JARID2: variants seen among roughly 807,000 people sequenced by gnomAD.
The protein encoded by JARID2 is protein Jumonji.
JARID2 carries 21 observed loss-of-function variants against 125.6 expected under a neutral mutation model. That is an observed-to-expected ratio of 0.17 (90% CI 0.12 to 0.24). The LOEUF is 0.24. Ranked by LOEUF, JARID2 falls within the 10% of genes least tolerant of loss-of-function variation. JARID2 has a pLI of 1.00. For synonymous variants in JARID2, 736 were observed against 661.6 expected, an observed-to-expected ratio of 1.11 and a Z score of -1.73; for missense variants, 1,303 against 1,639.6, an observed-to-expected ratio of 0.79 and a Z score of 3.55.
intron 3 of JARID2, among the ~76,000 whole-genome samples, chr6:15,416,948 T>G (rs901132564): frequency 6.6e-6 from 1 of 152,118 alleles, no homozygotes; most frequent in African/African-American, 2.4e-5. Context: ...TGTGGACTTG[T>G]GGTCAGAAAC....
chr6:15,275,966 T>G (rs948529462), intron 1 of JARID2, among the ~76,000 whole-genome samples: 4 of 152,172 alleles, frequency 2.6e-5, no homozygotes, highest in Non-Finnish European at 4.4e-5. Flanking sequence ...GTGTGGCTGT[T>G]GTCCAGTGCT....
chr6:15,380,239 T>TG (rs1764528384), intron 2 of JARID2, among the ~76,000 whole-genome samples: 1 of 152,106 alleles, frequency 6.6e-6, no homozygotes, highest in African/African-American at 2.4e-5. Context: ...TTCACCATGT[T>TG]GGCCAGGCTG....
chr6:15,418,999 A>C (rs1037665996), intron 3 of JARID2, among the ~76,000 whole-genome samples: 1 of 152,226 alleles, frequency 6.6e-6, no homozygotes, highest in East Asian at 1.9e-4. Context: ...GATAGCATGC[A>C]TGAATTGGGA....
chr6:15,507,539 G>A, intron 11 of JARID2, 123 bp downstream of exon 11: 1 of 712,064 alleles, frequency 1.4e-6, no homozygotes, highest in Non-Finnish European at 2.4e-6. Flanking sequence ...CAGGCTTACA[G>A]GACATACAGT....
chr6:15,343,631 G>A (rs967447335), intron 1 of JARID2, among the ~76,000 whole-genome samples: 12 of 152,324 alleles, frequency 7.9e-5, no homozygotes, highest in African/African-American at 2.6e-4. Flanking sequence ...AGGGCAGCCG[G>A]TATCCTGTCA....
chr6:15,453,642 G>A (rs1361808518), intron 4 of JARID2, among the ~76,000 whole-genome samples: 8 of 152,152 alleles, frequency 5.3e-5, no homozygotes, highest in Non-Finnish European at 1.0e-4. Flanking sequence ...AATTGTATGC[G>A]TATGGGCTTC....
chr6:15,477,824 TC>T (rs1769421208), intron 5 of JARID2, among the ~76,000 whole-genome samples: 1 of 152,218 alleles, frequency 6.6e-6, no homozygotes, highest in South Asian at 2.1e-4. Context: ...ATTGAAAAGA[TC>T]TGGTGCCTGG....
chr6:15,514,126 G>GC (rs1771430595), intron 16 of JARID2, among the ~76,000 whole-genome samples: 1 of 151,988 alleles, frequency 6.6e-6, no homozygotes. Flanking sequence ...CCCTGTTCCA[G>GC]CCCAGAGGTG....
intron 3 of JARID2, among the ~76,000 whole-genome samples, chr6:15,428,009 G>A (rs772488723): frequency 2.0e-5 from 3 of 151,764 alleles, no homozygotes; most frequent in Admixed American, 6.6e-5. Flanking sequence ...TACTACTGTC[G>A]CCGTATACTT....
intron 5 of JARID2, among the ~76,000 whole-genome samples, chr6:15,471,634 C>T (rs1769082054): frequency 6.6e-6 from 1 of 152,128 alleles, no homozygotes. Flanking sequence ...CTTTGTTTTC[C>T]AGAGTGTTTG....
At chr6:15,429,188 T>C (rs1455250174) in intron 3 of JARID2, among the ~76,000 whole-genome samples, 2 of 152,088 alleles carry the variant, frequency 1.3e-5, no homozygotes, top group African/African-American at 4.8e-5. Context: ...GGAATAACAA[T>C]TTGCATGTTT....
rs986846273 is a variant in JARID2, at chr6:15,365,474, A to G, written c.46-8643A>G. On this transcript the variant is annotated intron_variant, in intron 1 of 17. Coordinates refer to ENST00000341776, the MANE Select transcript of JARID2 (RefSeq NM_004973.4). ...GCCTTGACGACGGCGGATGTCTGAC[A>G]TGCTCAGACGCAAAAGAGCTGACTT... is the stretch of plus-strand genomic sequence containing the variant. Among the ~76,000 whole-genome samples the G allele has an allele frequency of 3.9e-5, 6 of 152,204 alleles. No individual in the cohort carries two copies. In the South Asian group the frequency reaches 1.2e-3, roughly 31 times the overall value.
At chr6:15,253,067 A>ATT (rs1197926158) in intron 1 of JARID2, among the ~76,000 whole-genome samples, 1 of 142,358 alleles carries the variant, frequency 7.0e-6, no homozygotes, top group Non-Finnish European at 1.5e-5. Context: ...TTTAATAAGG[A>ATT]TTTTTTTTTT....
intron 2 of JARID2, among the ~76,000 whole-genome samples, chr6:15,389,187 T>A (rs1291372008): frequency 6.6e-6 from 1 of 152,220 alleles, no homozygotes; most frequent in Non-Finnish European, 1.5e-5. Flanking sequence ...TGTTTGTTTT[T>A]ATTTTTTCTG....
chr6:15,514,446 C>T (rs75371202), intron 16 of JARID2, among the ~76,000 whole-genome samples: 2,301 of 152,326 alleles, frequency 0.015, 22 homozygotes, highest in Non-Finnish European at 0.026. Context: ...GTGCCCCCTT[C>T]GGCTGCACAC....
chr6:15,378,129 C>A (rs62395382), intron 2 of JARID2, among the ~76,000 whole-genome samples: 2 of 150,466 alleles, frequency 1.3e-5, no homozygotes, highest in Admixed American at 1.3e-4. Flanking sequence ...CCTTGTGATC[C>A]GCCCACCTCA....
chr6:15,375,047 C>A (rs1764299986), intron 2 of JARID2, among the ~76,000 whole-genome samples: 1 of 152,150 alleles, frequency 6.6e-6, no homozygotes, highest in Non-Finnish European at 1.5e-5. Context: ...AGCTATGGCT[C>A]TGGTCTTAGG....
intron 1 of JARID2, among the ~76,000 whole-genome samples, chr6:15,285,712 A>G (rs1760972553): frequency 6.6e-6 from 1 of 152,182 alleles, no homozygotes; most frequent in Non-Finnish European, 1.5e-5. Flanking sequence ...GAGGATAACA[A>G]TTCTAGAAAA....
intron 12 of JARID2, among the ~76,000 whole-genome samples, chr6:15,510,422 T>C (rs1771219263): frequency 6.6e-6 from 1 of 152,164 alleles, no homozygotes; most frequent in Non-Finnish European, 1.5e-5. Context: ...CCTGGTGGGC[T>C]CCAAGGACAT....
Sources: gnomAD v4.1 joint callset for allele counts (sites outside exome capture counted in the v4.1 genomes callset) on GRCh38, gnomAD v4.1.1 for gene constraint, MANE v1.5 for transcripts, NCBI Gene and HGNC (gene_info 2026-07-23, HGNC 2026-07-21) for gene names.